The following HYDIN variants were observed in gnomAD, a reference collection of about 807,000 sequenced individuals.
HYDIN encodes axonemal central pair apparatus protein HYDIN.
In HYDIN, 132 loss-of-function variants were observed where a neutral mutation model predicts 403.9. That is an observed-to-expected ratio of 0.33 (90% CI 0.28 to 0.38). The LOEUF is 0.38. HYDIN is among the 10% of genes least tolerant of loss of function. HYDIN has a pLI of 1.00. For synonymous variants in HYDIN, 1,202 were observed against 1,891.7 expected (o/e 0.64, Z 9.46); for missense variants, 2,827 against 5,009.5 (o/e 0.56, Z 13.15).
intron 8 of HYDIN, among the ~76,000 whole-genome samples, chr16:71,134,771 C>A (rs914251963): frequency 6.6e-5 from 10 of 152,196 alleles, no homozygotes; most frequent in African/African-American, 2.4e-4. Context: ...ACTTCAAGGA[C>A]AAGAATTCAC....
At chr16:71,170,685 A>T (rs1231002788) in intron 5 of HYDIN, among the ~76,000 whole-genome samples, 1 of 152,202 alleles carries the variant, frequency 6.6e-6, no homozygotes, top group Non-Finnish European at 1.5e-5. Flanking sequence ...ATCAAGATCC[A>T]AACTACTGAC....
At chr16:70,924,802 G>A (rs1415070245) in intron 45 of HYDIN, among the ~76,000 whole-genome samples, 7 of 83,216 alleles carry the variant, frequency 8.4e-5, no homozygotes, top group African/African-American at 3.3e-4. Flanking sequence ...GGTCTGTCAG[G>A]GGTTGGGGGG....
At chr16:70,932,913 T>A (rs1324419904) in intron 45 of HYDIN, among the ~76,000 whole-genome samples, 1 of 151,956 alleles carries the variant, frequency 6.6e-6, no homozygotes, top group African/African-American at 2.4e-5. Flanking sequence ...TAGAAATGTA[T>A]CCTAAGGAAG....
chr16:70,867,744 C>T (rs1308635867), intron 66 of HYDIN, among the ~76,000 whole-genome samples: 5 of 148,996 alleles, frequency 3.4e-5, no homozygotes, highest in African/African-American at 5.0e-5. Flanking sequence ...GGTGCGATCA[C>T]GGCCCACTGC....
At chr16:71,217,194 A>G (rs1023011385) in intron 1 of HYDIN, among the ~76,000 whole-genome samples, 3 of 152,228 alleles carry the variant, frequency 2.0e-5, no homozygotes, top group Non-Finnish European at 4.4e-5. Context: ...CCAATAGATC[A>G]TAAGAATAAT....
chr16:71,213,778 C>A (rs1266515380), intron 1 of HYDIN, among the ~76,000 whole-genome samples: 1 of 152,028 alleles, frequency 6.6e-6, no homozygotes, highest in Non-Finnish European at 1.5e-5. Context: ...GAAGTAACTT[C>A]CCCAAACTAA....
At chr16:71,043,321 A>C (rs1227641910) in intron 18 of HYDIN, among the ~76,000 whole-genome samples, 18 of 150,634 alleles carry the variant, frequency 1.2e-4, no homozygotes, top group Non-Finnish European at 1.9e-4. Flanking sequence ...CCTTCTCCGT[A>C]AATTCCTTTC....
intron 22 of HYDIN, among the ~76,000 whole-genome samples, chr16:71,018,771 T>C (rs1452010528): frequency 3.3e-5 from 5 of 152,300 alleles, no homozygotes; most frequent in African/African-American, 1.2e-4. Flanking sequence ...GTTATAAGAA[T>C]TGAGGAGTTG....
At chr16:70,820,865 T>A (rs1293390422) in intron 83 of HYDIN, among the ~76,000 whole-genome samples, 1 of 151,998 alleles carries the variant, frequency 6.6e-6, no homozygotes. Context: ...GCCAGGCGGG[T>A]CTTGAACTCC....
chr16:70,824,461 G>T (rs1345485372), intron 83 of HYDIN, among the ~76,000 whole-genome samples: 2 of 147,716 alleles, frequency 1.4e-5, no homozygotes, highest in Non-Finnish European at 3.0e-5. Flanking sequence ...TTCAACAGTT[G>T]TTTAAAATTA....
chr16:70,877,997 A>G (rs529474325), intron 62 of HYDIN, among the ~76,000 whole-genome samples: 1 of 152,170 alleles, frequency 6.6e-6, no homozygotes, highest in African/African-American at 2.4e-5. Context: ...TTCAGTTGGT[A>G]GGAAAAGGGT....
chr16:71,134,227 A>G (rs555347272), intron 8 of HYDIN, among the ~76,000 whole-genome samples: 1 of 152,112 alleles, frequency 6.6e-6, no homozygotes, highest in African/African-American at 2.4e-5. Flanking sequence ...TATTGAAGCG[A>G]TCTTAGAGCA....
At chr16:70,919,478 G>A (rs375747082) in intron 46 of HYDIN, among the ~76,000 whole-genome samples, 2 of 151,976 alleles carry the variant, frequency 1.3e-5, no homozygotes, top group Non-Finnish European at 2.9e-5. Context: ...ACTGTGGGCC[G>A]CGGCACATGG....
chr16:70,964,832 C>T lies in HYDIN; in HGVS notation c.5684G>A (p.Gly1895Glu). ...NTLLLPPRNPGEKLPPELYEY... is the reference protein window; with the variant it reads ...NTLLLPPRNPEEKLPPELYEY... ...GTACAGTTCTGGGGGCAGCTTCTCC[C>T]CAGGGTTGCGGGGAGGCAGCAGCAG... is the stretch of plus-strand genomic sequence containing the variant. The change falls in exon 37 of 86, where the codon GGG becomes GAG. Residue 1895 changes from glycine (G) to glutamate (E), a missense_variant. By Grantham distance (98) the Gly-to-Glu change is moderately conservative. Transcript: ENST00000393567. The T allele has an allele frequency of 6.3e-7, 1 of 1,599,302 alleles. No homozygotes were observed.
chr16:70,834,991 T>TATATATATAC (rs1567678062), intron 78 of HYDIN, among the ~76,000 whole-genome samples: 1 of 137,614 alleles, frequency 7.3e-6, no homozygotes, highest in East Asian at 2.0e-4. Flanking sequence ...TATATATATA[T>TATATATATAC]ACACACATAT....
chr16:71,002,069 G>A (rs1179734283), intron 23 of HYDIN, among the ~76,000 whole-genome samples: 1 of 152,128 alleles, frequency 6.6e-6, no homozygotes, highest in Non-Finnish European at 1.5e-5. Context: ...TTTCCTTCAA[G>A]GGCATTCTTT....
In HYDIN at chr16:70,962,083, T is replaced by G. The variant is rs773284804; in HGVS notation, c.5844A>C (p.Thr1948=). The G allele has an allele frequency of 2.0e-6, 2 of 1,014,228 alleles. No individual in the cohort carries two copies. The highest frequency in any genetic ancestry group is 1.6e-5 in the South Asian group (1 of 62,410). 62.8% of individuals were successfully genotyped at this position (1,014,228 alleles called of 1,614,324 possible). A position where few individuals can be genotyped will look rare whatever the true frequency, so the allele number is the denominator to read the frequency against. The change falls in exon 38 of 86, where the codon ACA becomes ACC. Residue 1948 remains threonine (T), a synonymous_variant. Coordinates refer to ENST00000393567, the MANE Select transcript of HYDIN (RefSeq NM_001270974.2). ...DQGTSNSTKR[T]SLSRGISVTS... is the part of the protein sequence containing the mutation. ...TGACAGAGATCCCTCGGCTCAGCGATGTCCTCTTTGTGCTATTGGAGGTTC... is the reference window on the plus strand; with the variant it reads ...TGACAGAGATCCCTCGGCTCAGCGAGGTCCTCTTTGTGCTATTGGAGGTTC...
chr16:71,056,397 G>A (rs904341840), intron 18 of HYDIN, among the ~76,000 whole-genome samples: 4 of 149,802 alleles, frequency 2.7e-5, no homozygotes, highest in Non-Finnish European at 3.0e-5. Context: ...GAGGTCCCAG[G>A]TGTTTTTAAA....
rs373412252 is a variant in HYDIN at position 71,062,161 on chromosome 16, A to T, written c.2376+8T>A. On this transcript the variant is annotated splice_region_variant and intron_variant, in intron 17 of 85. Transcript: ENST00000393567. ...ATTTCAATTGCAGTTCTGAAAATGG[A>T]CTCTCACCAAAGGGGGGTCCTGGCT... The T allele has an allele frequency of 2.7e-4, 298 of 1,103,974 alleles. 2 individuals are homozygous for T. The Middle Eastern group carries it at 2.9e-3, about 11-fold the overall frequency. The allele number at this position is 1,103,974 out of a possible 1,614,324, so 68.4% of individuals were successfully genotyped here.
Sources: gnomAD v4.1 joint callset for allele counts (sites outside exome capture counted in the v4.1 genomes callset) on GRCh38, gnomAD v4.1.1 for gene constraint, MANE v1.5 for transcripts, NCBI Gene and HGNC (gene_info 2026-07-23, HGNC 2026-07-21) for gene names.